The following FAM228B variants were observed in gnomAD, a reference collection of about 807,000 sequenced individuals.
FAM228B encodes family with sequence similarity 228 member B.
FAM228B carries 38 observed loss-of-function variants against 42.6 expected under a neutral mutation model. The ratio of observed to expected loss-of-function variants is 0.89; its 90% confidence interval spans 0.69 to 1.17. The LOEUF (loss-of-function observed/expected upper bound fraction) is 1.17, where lower values mean the gene tolerates loss of function less well. Among genes scored for constraint, FAM228B ranks in the 50% most tolerant of loss-of-function variants. The pLI is 0.00. For missense variants in FAM228B, 344 were observed against 367.3 expected, an observed-to-expected ratio of 0.94 and a Z score of 0.52; for synonymous variants, 109 against 122.3, an observed-to-expected ratio of 0.89 and a Z score of 0.72.
At chr2:24,132,949 G>C (rs1215970413) in intron 2 of FAM228B, among the ~76,000 whole-genome samples, 2 of 152,168 alleles carry the variant, frequency 1.3e-5, no homozygotes, top group Non-Finnish European at 2.9e-5. Context: ...GAGTTTGCCA[G>C]ATATTTGGTC....
intron 3 of FAM228B, among the ~76,000 whole-genome samples, chr2:24,098,544 A>C (rs1665547283): frequency 6.6e-6 from 1 of 152,222 alleles, no homozygotes; most frequent in Admixed American, 6.5e-5. Context: ...GAAATGGATA[A>C]ATTCCTGGAA....
intron 2 of FAM228B, among the ~76,000 whole-genome samples, chr2:24,126,077 A>G (rs1271292762): frequency 6.6e-6 from 1 of 152,108 alleles, no homozygotes; most frequent in Admixed American, 6.5e-5. Context: ...CTGTTTATGG[A>G]CATTTGGGTT....
upstream of FAM228B, chr2:24,122,508 C>G: frequency 6.2e-7 from 1 of 1,614,056 alleles, no homozygotes. Context: ...AAGAGGGTGT[C>G]TAACAATAAG....
At chr2:24,088,358 T>C (rs1207275368) in intron 2 of FAM228B, among the ~76,000 whole-genome samples, 4 of 152,046 alleles carry the variant, frequency 2.6e-5, no homozygotes, top group Non-Finnish European at 4.4e-5. Context: ...TATATATATA[T>C]ATCTTTTTTT....
chr2:24,149,919 C>G (rs1428043480), intron 7 of FAM228B, among the ~76,000 whole-genome samples: 1 of 151,900 alleles, frequency 6.6e-6, no homozygotes, highest in Non-Finnish European at 1.5e-5. Flanking sequence ...ATCTTGTAAC[C>G]CATTATTTTT....
chr2:24,132,233 A>G (rs774814743), intron 2 of FAM228B, among the ~76,000 whole-genome samples: 33 of 152,300 alleles, frequency 2.2e-4, no homozygotes, highest in Non-Finnish European at 4.4e-4. Context: ...TCAGTTTGCC[A>G]GTATTTTATT....
At chr2:24,100,056 G>A (rs890354085) in intron 3 of FAM228B, among the ~76,000 whole-genome samples, 18 of 152,280 alleles carry the variant, frequency 1.2e-4, no homozygotes, top group African/African-American at 4.3e-4. Flanking sequence ...TGGGAAAACT[G>A]GCTAGCCATA....
chr2:24,130,698 G>A (rs1265902677), intron 2 of FAM228B, among the ~76,000 whole-genome samples: 1 of 151,990 alleles, frequency 6.6e-6, no homozygotes. Context: ...CTGGATATTA[G>A]AGCTTTGTCA....
chr2:24,169,475 C>T lies in FAM228B; in HGVS notation c.*134C>T. The T allele has an allele frequency of 2.7e-6, 1 of 367,470 alleles. No homozygotes were observed. 22.8% of individuals were successfully genotyped at this position (367,470 alleles called of 1,614,324 possible). A position where few individuals can be genotyped will look rare whatever the true frequency, so the allele number is the denominator to read the frequency against. ...ATCAGGGTGAAGGCCAAGGACGGCA[C>T]TCAAGAATTGTCCTGTCTCTAAAAA... is the stretch of plus-strand genomic sequence containing the variant. On this transcript the variant is annotated 3_prime_UTR_variant, in exon 11 of 11. Coordinates refer to ENST00000615575, the MANE Select transcript of FAM228B (RefSeq NM_001145710.2). This position sits in a 1 kb window ranked among gnomAD's most constrained non-coding sequence, Gnocchi z 4.2.
At chr2:24,102,299 T>C (rs1665623909) in intron 3 of FAM228B, among the ~76,000 whole-genome samples, 1 of 152,256 alleles carries the variant, frequency 6.6e-6, no homozygotes. Flanking sequence ...CAAATGCTTA[T>C]TAATTATATC....
At position 24,086,818 on chromosome 2, in the gene FAM228B, T is replaced by G. The variant is rs544377495; in HGVS notation, c.-210+5863T>G. Among the ~76,000 whole-genome samples, 12 of 152,300 alleles carry G rather than the reference T, an allele frequency of 7.9e-5. No individual in the cohort carries two copies. In the South Asian group the frequency reaches 1.9e-3, roughly 24 times the overall value. On this transcript the variant is annotated intron_variant, in intron 2 of 10. Coordinates refer to the FAM228B transcript ENST00000613899. ...GGATGTATAAGGATTCAGAGACACA[T>G]CATCCGGATACACATCTGTCCAAAA...
chr2:24,124,161 G>T (rs537866442), intron 1 of FAM228B, 169 bp from the exon 2 acceptor site: 117 of 463,510 alleles, frequency 2.5e-4, no homozygotes, highest in Admixed American at 3.9e-4. Context: ...AAAGGAGGCT[G>T]GCTCTGAAGC....
At chr2:24,121,669 G>A (rs950970930), upstream of FAM228B, among the ~76,000 whole-genome samples, 4 of 152,082 alleles carry the variant, frequency 2.6e-5, no homozygotes, top group Admixed American at 2.6e-4. Flanking sequence ...CCTAATGGGA[G>A]GTATTTGGAT....
At chr2:24,155,525 A>ATTTT (rs1199134206) in intron 7 of FAM228B, among the ~76,000 whole-genome samples, 3 of 48,314 alleles carry the variant, frequency 6.2e-5, no homozygotes, top group African/African-American at 1.9e-4. Context: ...ATATATATAT[A>ATTTT]TATATATTTT....
chr2:24,113,418 TAAAAA>T (rs1004196893), intron 3 of FAM228B, among the ~76,000 whole-genome samples: 2 of 151,756 alleles, frequency 1.3e-5, no homozygotes, highest in African/African-American at 4.8e-5. Context: ...ACAAAAAATT[TAAAAA>T]TTAGCTGCAC....
At chr2:24,112,552 T>G (rs992470431) in intron 3 of FAM228B, among the ~76,000 whole-genome samples, 4 of 152,134 alleles carry the variant, frequency 2.6e-5, no homozygotes, top group Non-Finnish European at 5.9e-5. Context: ...TCCGCCAGCC[T>G]CAGTCTCCCA....
intron 5 of FAM228B, among the ~76,000 whole-genome samples, chr2:24,141,323 A>G (rs1360508870): frequency 1.3e-5 from 2 of 152,106 alleles, no homozygotes; most frequent in African/African-American, 2.4e-5. Flanking sequence ...GGCTTACTGC[A>G]ACCTCCGCCT....
At chr2:24,161,913 A>G (rs1166049921) in intron 8 of FAM228B, among the ~76,000 whole-genome samples, 2 of 152,222 alleles carry the variant, frequency 1.3e-5, no homozygotes, top group Admixed American at 6.5e-5. Flanking sequence ...AGCCTGGTCA[A>G]CATGGTGAAA....
At chr2:24,106,972 G>A (rs145090201) in intron 3 of FAM228B, among the ~76,000 whole-genome samples, 150 of 152,108 alleles carry the variant, frequency 9.9e-4, no homozygotes, top group African/African-American at 3.5e-3. Context: ...CAATCAAAAG[G>A]CACAGAGTGG....
Sources: gnomAD v4.1 joint callset for allele counts (sites outside exome capture counted in the v4.1 genomes callset) on GRCh38, gnomAD v4.1.1 for gene constraint, Gnocchi (gnomAD v3.1) non-coding constraint, MANE v1.5 for transcripts, NCBI Gene and HGNC (gene_info 2026-07-23, HGNC 2026-07-21) for gene names.